EPS15L1: variants seen among roughly 807,000 people sequenced by gnomAD.
EPS15L1 encodes epidermal growth factor receptor substrate 15-like 1.
Under a neutral mutation model 117.1 loss-of-function variants are expected in EPS15L1, and 43 were observed. The observed-to-expected ratio is 0.37, with a 90% CI of 0.29 to 0.47. The LOEUF (loss-of-function observed/expected upper bound fraction) is 0.47, where lower values mean the gene tolerates loss of function less well. Ranked by LOEUF, EPS15L1 falls within the 20% of genes least tolerant of loss-of-function variation. The pLI is 0.99. For missense variants in EPS15L1, 981 were observed against 1,164.0 expected (o/e 0.84, Z 2.29); for synonymous variants, 459 against 470.5 (o/e 0.98, Z 0.32).
In EPS15L1 at chr19:16,383,515, C is replaced by T. The variant is rs1199364185; in HGVS notation, c.2247+1614G>A. On this transcript the variant is annotated intron_variant, in intron 21 of 23. Transcript: ENST00000455140. This position sits in a 1 kb window ranked among gnomAD's most constrained non-coding sequence, Gnocchi z 5.2. ...CTGCCCAGGAGCCTGTGCACTGGGC[C>T]CTAAATCTTCTGCCAGTCCCAAACC... 1 of 152,186 alleles carries T rather than the reference C, an allele frequency of 6.6e-6. No individual in the cohort carries two copies. Among genetic ancestry groups the T allele is most frequent in the African/African-American group, 2.4e-5 (1 of 41,444 alleles). 9.4% of individuals were successfully genotyped at this position (152,186 alleles called of 1,614,324 possible). A position where few individuals can be genotyped will look rare whatever the true frequency, so the allele number is the denominator to read the frequency against.
At chr19:16,428,507 G>A (rs955617032) in intron 8 of EPS15L1, among the ~76,000 whole-genome samples, 195 bp downstream of exon 8, 1 of 112,372 alleles carries the variant, frequency 8.9e-6, no homozygotes, top group African/African-American at 3.5e-5. Context: ...GAGGGAGAGA[G>A]AGAGAGAAAG....
intron 1 of EPS15L1, among the ~76,000 whole-genome samples, chr19:16,460,170 TC>T (rs1353388439): frequency 6.6e-6 from 1 of 151,994 alleles, no homozygotes; most frequent in Non-Finnish European, 1.5e-5. Flanking sequence ...GCACCTGCAG[TC>T]CCAGCTACTA....
chr19:16,385,641 C>T (rs2092412516), intron 20 of EPS15L1, among the ~76,000 whole-genome samples: 1 of 152,172 alleles, frequency 6.6e-6, no homozygotes. Flanking sequence ...GTACTGGATA[C>T]ACTCGCCTAT....
rs1395325676 is a variant in EPS15L1 at position 16,370,740 on chromosome 19, C to G, written c.2380+6382G>C. 6.6e-6 allele frequency among the ~76,000 whole-genome samples: 1 copy of G among 152,252 alleles called. No homozygotes were observed. The highest frequency in any genetic ancestry group is 1.5e-5 in the Non-Finnish European group (1 of 68,048). On this transcript the variant is annotated intron_variant, in intron 22 of 23. Transcript: ENST00000455140. This position sits in a 1 kb window ranked among gnomAD's most constrained non-coding sequence, Gnocchi z 5.2. ...AAACATACAAGGCTGACATTCCTCC[C>G]TCTCAGAGTGGGACCGTTCCTTGGC...
At chr19:16,376,814 A>G (rs964453189) in intron 22 of EPS15L1, among the ~76,000 whole-genome samples, 1 of 152,240 alleles carries the variant, frequency 6.6e-6, no homozygotes, top group Admixed American at 6.5e-5. Flanking sequence ...TGACATGCTC[A>G]GGCGGAGGCC....
At chr19:16,397,417 CAA>C (rs1055949641) in intron 16 of EPS15L1, among the ~76,000 whole-genome samples, 4 of 152,198 alleles carry the variant, frequency 2.6e-5, no homozygotes, top group Middle Eastern at 3.4e-3. Flanking sequence ...GAAAGTTAAA[CAA>C]TTTTTTTTTA....
intron 8 of EPS15L1, among the ~76,000 whole-genome samples, chr19:16,427,437 T>C (rs2092883032): frequency 6.6e-6 from 1 of 152,232 alleles, no homozygotes; most frequent in Non-Finnish European, 1.5e-5. Flanking sequence ...ATCCAAAATC[T>C]GAAATTCTTC....
chr19:16,417,671 A>C, intron 11 of EPS15L1, 34 bp from the exon 12 acceptor site: 1 of 1,578,396 alleles, frequency 6.3e-7, no homozygotes. Context: ...ATCTCTAATT[A>C]GCAACCTGAC....
At chr19:16,431,266 A>C (rs2092924976) in intron 7 of EPS15L1, among the ~76,000 whole-genome samples, 1 of 151,496 alleles carries the variant, frequency 6.6e-6, no homozygotes, top group Non-Finnish European at 1.5e-5. Context: ...TTAATAAATA[A>C]ATAAATAATA....
intron 1 of EPS15L1, among the ~76,000 whole-genome samples, chr19:16,462,841 C>CTCCA (rs1472131583): frequency 2.0e-5 from 3 of 152,186 alleles, no homozygotes; most frequent in Non-Finnish European, 4.4e-5. Flanking sequence ...CAGCTGCTTC[C>CTCCA]TCCAGGCCTG....
At chr19:16,391,812 G>A (rs888781251) in intron 19 of EPS15L1, among the ~76,000 whole-genome samples, 34 of 152,114 alleles carry the variant, frequency 2.2e-4, no homozygotes, top group African/African-American at 8.2e-4. Context: ...GCCGGGCTGA[G>A]ACGCCTGCAC....
In EPS15L1 at chr19:16,394,937, C is replaced by T. The variant is rs1599573282; in HGVS notation, c.1915+407G>A. Among the ~76,000 whole-genome samples the T allele has an allele frequency of 3.3e-5, 5 of 152,180 alleles. 1 individual carries two copies. ...GAGATAAGAAGCTTAAAAGGCGTTC[C>T]TGCTGGGTGCGGTGCCTCACACCTG... On this transcript the variant is annotated intron_variant, in intron 17 of 23. Coordinates refer to ENST00000455140, the MANE Select transcript of EPS15L1 (RefSeq NM_001258374.3).
At chr19:16,434,930 G>T in intron 6 of EPS15L1, 1 of 150,708 alleles carries the variant, frequency 6.6e-6, no homozygotes, top group Non-Finnish European at 1.5e-5. Context: ...AGTACAGGAA[G>T]TCCTCTTTTT....
intron 19 of EPS15L1, 43 bp downstream of exon 19, chr19:16,392,261 A>G (rs1339426370): frequency 3.1e-6 from 5 of 1,612,394 alleles, no homozygotes; most frequent in Non-Finnish European, 4.2e-6. Flanking sequence ...TACCACACAG[A>G]GCAGGCACGC....
intron 10 of EPS15L1, among the ~76,000 whole-genome samples, chr19:16,418,809 C>T (rs1007037505): frequency 6.6e-6 from 1 of 152,130 alleles, no homozygotes; most frequent in Admixed American, 6.5e-5. Context: ...TGTGAGGACA[C>T]GGCAAGCAGG....
chr19:16,444,287 C>CA (rs1413671578), intron 1 of EPS15L1, among the ~76,000 whole-genome samples: 9 of 151,818 alleles, frequency 5.9e-5, no homozygotes, highest in Non-Finnish European at 1.2e-4. Context: ...TTAAAACAGA[C>CA]AAAGACATCA....
intron 22 of EPS15L1, among the ~76,000 whole-genome samples, chr19:16,369,392 A>G (rs2092188213): frequency 6.6e-6 from 1 of 152,280 alleles, no homozygotes; most frequent in African/African-American, 2.4e-5. Flanking sequence ...AACTGTTGAG[A>G]AAAGCTGAAC....
chr19:16,402,544 C>T (rs553486435), intron 15 of EPS15L1, 59 bp from the exon 16 acceptor site: 85 of 1,466,276 alleles, frequency 5.8e-5, no homozygotes, highest in African/African-American at 1.0e-4. Flanking sequence ...TCAGAAAAGA[C>T]GCTTTTTTTT....
chr19:16,417,343 C>T (rs960411568), intron 12 of EPS15L1: 43 of 543,324 alleles, frequency 7.9e-5, no homozygotes, highest in South Asian at 2.0e-5. Context: ...ACAGATGCTA[C>T]GGGCTCTGGC....
Sources: allele counts gnomAD v4.1 joint callset (sites outside exome capture counted in the v4.1 genomes callset), GRCh38; gene constraint gnomAD v4.1.1; non-coding constraint Gnocchi (gnomAD v3.1); transcripts MANE v1.5; gene names NCBI Gene and HGNC (gene_info 2026-07-23, HGNC 2026-07-21).